SLC25A21: variants seen among roughly 807,000 people sequenced by gnomAD.
SLC25A21 encodes the protein solute carrier family 25 member 21.
A neutral mutation model predicts 43.8 loss-of-function variants in SLC25A21; 47 were observed. The ratio of observed to expected loss-of-function variants is 1.07; its 90% CI spans 0.85 to 1.37. The LOEUF is 1.37. SLC25A21 is among the 40% of genes most tolerant of loss of function. SLC25A21 has a pLI of 0.00. For synonymous variants in SLC25A21, 131 were observed against 121.3 expected (o/e 1.08, Z -0.52); for missense variants, 352 against 350.2 (o/e 1.00, Z -0.04).
chr14:37,164,856 C>T (rs1312431808), intron 1 of SLC25A21, among the ~76,000 whole-genome samples: 4 of 152,114 alleles, frequency 2.6e-5, no homozygotes, highest in Non-Finnish European at 5.9e-5. Context: ...TTCATTAATT[C>T]CAGATTTCCC....
At chr14:36,913,135 T>C (rs1385076158) in intron 1 of SLC25A21, among the ~76,000 whole-genome samples, 2 of 152,140 alleles carry the variant, frequency 1.3e-5, no homozygotes, top group African/African-American at 2.4e-5. Context: ...ACTTATACAG[T>C]ATGGGTTTAA....
chr14:36,849,599 T>C (rs912740191), intron 2 of SLC25A21, among the ~76,000 whole-genome samples: 2 of 152,204 alleles, frequency 1.3e-5, no homozygotes, highest in Non-Finnish European at 2.9e-5. Context: ...TTCTGAATTG[T>C]CTATCAGACA....
rs535744436 is a variant in SLC25A21 at position 36,713,956 on chromosome 14, C to T, written c.439-2474G>A. On this transcript the variant is annotated intron_variant, in intron 6 of 9. Transcript: ENST00000331299. ...GCTGCAGTGAACTGTTATCCTGTCA[C>T]TGCATAGTGACAGGCTCCAGCCTGG... Among the ~76,000 whole-genome samples the T allele has an allele frequency of 8.5e-5, 13 of 152,178 alleles. No homozygotes were observed. The South Asian group carries it at 2.7e-3, about 32-fold the overall frequency.
At chr14:36,764,100 G>A (rs1166940562) in intron 3 of SLC25A21, among the ~76,000 whole-genome samples, 1 of 63,526 alleles carries the variant, frequency 1.6e-5, no homozygotes, top group Admixed American at 2.0e-4. Flanking sequence ...AGGAAGGAAG[G>A]AAGGAAGGAA....
At chr14:36,979,442 G>A (rs983652391) in intron 1 of SLC25A21, among the ~76,000 whole-genome samples, 2 of 151,760 alleles carry the variant, frequency 1.3e-5, no homozygotes, top group South Asian at 2.1e-4. Flanking sequence ...TGCAGCCTCC[G>A]CCTCCTGGGT....
intron 3 of SLC25A21, among the ~76,000 whole-genome samples, chr14:36,794,572 A>C (rs984510868): frequency 5.3e-5 from 8 of 152,164 alleles, no homozygotes; most frequent in Admixed American, 2.6e-4. Flanking sequence ...GTTTGAGACC[A>C]GCCTGACCAA....
chr14:36,737,318 G>T (rs1336203387), intron 3 of SLC25A21, among the ~76,000 whole-genome samples: 1 of 152,210 alleles, frequency 6.6e-6, no homozygotes, highest in East Asian at 1.9e-4. Context: ...AGAAGAGGCA[G>T]CTGGGAGAAG....
chr14:36,746,811 C>A (rs921194678), intron 3 of SLC25A21, among the ~76,000 whole-genome samples: 10 of 152,164 alleles, frequency 6.6e-5, no homozygotes, highest in African/African-American at 2.2e-4. Flanking sequence ...AGGATAAACA[C>A]CTTTTTCTAG....
intron 1 of SLC25A21, among the ~76,000 whole-genome samples, chr14:36,947,598 C>T (rs1490224732): frequency 6.6e-6 from 1 of 151,118 alleles, no homozygotes; most frequent in Non-Finnish European, 1.5e-5. Flanking sequence ...ACACACACTG[C>T]TTCAGAATGG....
intron 2 of SLC25A21, among the ~76,000 whole-genome samples, chr14:36,856,814 A>G (rs1303818478): frequency 6.6e-6 from 1 of 152,216 alleles, no homozygotes; most frequent in African/African-American, 2.4e-5. Flanking sequence ...GCCTGGAAGC[A>G]CATCCCACAT....
intron 1 of SLC25A21, among the ~76,000 whole-genome samples, chr14:36,963,403 T>C (rs1041313751): frequency 7.9e-5 from 12 of 151,968 alleles, no homozygotes; most frequent in Admixed American, 2.6e-4. Context: ...GCTGACAGAG[T>C]AATGGGAGAA....
intron 2 of SLC25A21, among the ~76,000 whole-genome samples, chr14:36,838,650 G>A (rs1462228656): frequency 1.3e-5 from 2 of 152,188 alleles, no homozygotes; most frequent in Admixed American, 6.5e-5. Flanking sequence ...TGGAGGCAGG[G>A]AGTGGGGGAA....
intron 6 of SLC25A21, among the ~76,000 whole-genome samples, chr14:36,718,545 C>T (rs559533017): frequency 6.6e-6 from 1 of 152,214 alleles, no homozygotes; most frequent in Admixed American, 6.5e-5. Context: ...TCACAAAATA[C>T]AGCCCTTCAA....
intron 6 of SLC25A21, among the ~76,000 whole-genome samples, chr14:36,715,689 T>A (rs1367575106): frequency 6.6e-6 from 1 of 152,258 alleles, no homozygotes; most frequent in Non-Finnish European, 1.5e-5. Context: ...AATTTTTACA[T>A]GAAGGGATAT....
At chr14:37,044,683 TG>T (rs957512910) in intron 1 of SLC25A21, among the ~76,000 whole-genome samples, 5 of 152,160 alleles carry the variant, frequency 3.3e-5, no homozygotes, top group African/African-American at 1.2e-4. Context: ...GATACAGTCA[TG>T]GAACACTAAA....
intron 1 of SLC25A21, among the ~76,000 whole-genome samples, chr14:37,105,779 A>G (rs1424832005): frequency 6.6e-6 from 1 of 152,172 alleles, no homozygotes; most frequent in Non-Finnish European, 1.5e-5. Context: ...TAGAATTCAG[A>G]AAATGGTAGA....
intron 6 of SLC25A21, among the ~76,000 whole-genome samples, chr14:36,719,028 A>G (rs12882369): frequency 2.6e-3 from 398 of 152,304 alleles, no homozygotes; most frequent in South Asian, 4.1e-3. Flanking sequence ...CACACATCAG[A>G]GGCAAATCCT....
chr14:37,013,782 TTTTA>T (rs1318711945), intron 1 of SLC25A21, among the ~76,000 whole-genome samples: 5 of 152,020 alleles, frequency 3.3e-5, no homozygotes, highest in Non-Finnish European at 7.4e-5. Context: ...TTTCTTTACT[TTTTA>T]TTTATTTTCT....
At chr14:36,832,822 T>C (rs917235952) in intron 2 of SLC25A21, among the ~76,000 whole-genome samples, 1 of 152,234 alleles carries the variant, frequency 6.6e-6, no homozygotes, top group Non-Finnish European at 1.5e-5. Flanking sequence ...TAGCACTCTC[T>C]ATAATGACCC....
Sources: allele counts gnomAD v4.1 joint callset (sites outside exome capture counted in the v4.1 genomes callset), GRCh38; gene constraint gnomAD v4.1.1; transcripts MANE v1.5; gene names NCBI Gene and HGNC (gene_info 2026-07-23, HGNC 2026-07-21).